The following RNFT2 variants were observed in gnomAD, a reference collection of about 807,000 sequenced individuals.
RNFT2 encodes ring finger protein, transmembrane 2.
RNFT2 carries 36 observed loss-of-function variants against 53.0 expected under a neutral mutation model. That is an observed-to-expected ratio of 0.68 (90% CI 0.52 to 0.90). The LOEUF (loss-of-function observed/expected upper bound fraction) is 0.90, where lower values mean the gene tolerates loss of function less well. Among genes scored for constraint, RNFT2 ranks in the 40% least tolerant of loss-of-function variants. The pLI is 0.00. For missense variants in RNFT2, 514 were observed against 585.6 expected, an observed-to-expected ratio of 0.88 and a Z score of 1.26; for synonymous variants, 260 against 253.2, an observed-to-expected ratio of 1.03 and a Z score of -0.26.
In RNFT2 at chr12:116,836,019, C is replaced by T. The variant is rs769447000; in HGVS notation, c.1092C>T (p.Thr364=). ...GGAAAGCCCTGAAGCTTCTCTGTAC[C>T]TCTCAGGTGAGTTGGCTTCAGGTGG... is the stretch of plus-strand genomic sequence containing the variant. The part of the protein sequence containing the change: ...GVRKALKLLC[T]SQNYGVRATG... The change falls in exon 9 of 11, where the codon ACC becomes ACT. Residue 364 remains threonine (T), a synonymous_variant. Coordinates refer to ENST00000257575, the MANE Select transcript of RNFT2 (RefSeq NM_001382266.1). 3 of 1,614,016 alleles carry T rather than the reference C, an allele frequency of 1.9e-6. No homozygotes were observed. The highest frequency in any genetic ancestry group is 1.7e-5 in the Admixed American group (1 of 60,034).
intron 7 of RNFT2, among the ~76,000 whole-genome samples, chr12:116,795,373 A>C (rs773765296): frequency 3.3e-5 from 5 of 151,248 alleles, no homozygotes; most frequent in Non-Finnish European, 7.4e-5. Flanking sequence ...ACACCACTGC[A>C]CTCCAGCCTG....
intron 3 of RNFT2, chr12:116,748,655 A>G (rs754857020): frequency 8.8e-6 from 4 of 452,248 alleles, no homozygotes; most frequent in African/African-American, 4.0e-5. Flanking sequence ...CGCCCACCCA[A>G]TGTCAGCTGT....
intron 4 of RNFT2, among the ~76,000 whole-genome samples, 175 bp from the exon 5 acceptor site, chr12:116,753,809 C>T (rs1872367593): frequency 6.6e-6 from 1 of 152,124 alleles, no homozygotes; most frequent in African/African-American, 2.4e-5. Context: ...CTCAGAATTC[C>T]CAGAGATTTA....
At chr12:116,836,387 A>G (rs1397263424) in intron 10 of RNFT2, 105 bp downstream of exon 10, 1 of 960,640 alleles carries the variant, frequency 1.0e-6, no homozygotes, top group Non-Finnish European at 1.6e-6. Context: ...CTGGGGGGCA[A>G]TCCGGTTAAG....
Position 116,849,491 on chromosome 12 carries a change from A to G in RNFT2, c.*43A>G. On this transcript the variant is annotated 3_prime_UTR_variant, in exon 11 of 11. Transcript: ENST00000257575. ...ACCCAGAAGGACGCCAAGGGTCAGC[A>G]TGCCCGGACCCAGCCCTGCGGGGGC... The G allele has an allele frequency of 1.9e-6, 3 of 1,550,448 alleles. No individual in the cohort carries two copies. The South Asian group carries it at 3.5e-5, about 18-fold the overall frequency.
chr12:116,763,320 G>A (rs969019455), intron 5 of RNFT2, among the ~76,000 whole-genome samples: 1 of 152,062 alleles, frequency 6.6e-6, no homozygotes, highest in African/African-American at 2.4e-5. Flanking sequence ...AAACCACAAT[G>A]CAGTACCACC....
chr12:116,785,119 G>T (rs1467536239), intron 7 of RNFT2, among the ~76,000 whole-genome samples: 2 of 151,862 alleles, frequency 1.3e-5, no homozygotes, highest in East Asian at 3.9e-4. Flanking sequence ...TCCTGTCTCG[G>T]CCTCTTGCAC....
chr12:116,811,739 C>T (rs1592973178), intron 7 of RNFT2, among the ~76,000 whole-genome samples: 2 of 152,324 alleles, frequency 1.3e-5, no homozygotes, highest in East Asian at 1.9e-4. Flanking sequence ...TCATGACCCT[C>T]GTGGAAATCC....
intron 10 of RNFT2, among the ~76,000 whole-genome samples, chr12:116,845,965 C>T (rs1204889750): frequency 6.6e-6 from 1 of 152,166 alleles, no homozygotes; most frequent in African/African-American, 2.4e-5. Flanking sequence ...AAATGTTCTT[C>T]AGGCTTCGAC....
At chr12:116,806,389 T>TAGATAGATAG (rs376557134) in intron 7 of RNFT2, among the ~76,000 whole-genome samples, 24 of 82,920 alleles carry the variant, frequency 2.9e-4, no homozygotes, top group South Asian at 4.0e-4. Flanking sequence ...AAAATATATA[T>TAGATAGATAG]ATATATATAT....
intron 10 of RNFT2, among the ~76,000 whole-genome samples, chr12:116,837,271 C>G (rs1456669723): frequency 6.6e-6 from 1 of 152,148 alleles, no homozygotes; most frequent in Non-Finnish European, 1.5e-5. Context: ...CAGATCCCGT[C>G]CCCTCCTCTG....
chr12:116,808,199 A>G (rs956419328), intron 7 of RNFT2, among the ~76,000 whole-genome samples: 4 of 152,118 alleles, frequency 2.6e-5, no homozygotes, highest in Admixed American at 2.6e-4. Context: ...TCCTGACCTC[A>G]GGTGATCCAC....
At chr12:116,779,101 A>G (rs989973895) in intron 6 of RNFT2, 94 bp from the exon 7 acceptor site, 2 of 1,334,840 alleles carry the variant, frequency 1.5e-6, no homozygotes, top group African/African-American at 1.5e-5. Flanking sequence ...CGCTCTTTCT[A>G]CAGGTGATAC....
chr12:116,749,799 A>C (rs748833053), intron 3 of RNFT2, 42 bp from the exon 4 acceptor site: 3 of 1,534,122 alleles, frequency 2.0e-6, no homozygotes, highest in African/African-American at 2.7e-5. Flanking sequence ...GGTCTTTTCC[A>C]TCTGCCTGAC....
intron 7 of RNFT2, among the ~76,000 whole-genome samples, chr12:116,812,723 G>A (rs1328843168): frequency 6.6e-6 from 1 of 152,014 alleles, no homozygotes; most frequent in Non-Finnish European, 1.5e-5. Context: ...TAGTAGAGAT[G>A]GGGTTTTACC....
At chr12:116,848,096 GT>G (rs1877709618) in intron 10 of RNFT2, among the ~76,000 whole-genome samples, 2 of 152,128 alleles carry the variant, frequency 1.3e-5, no homozygotes, top group Admixed American at 6.5e-5. Flanking sequence ...AACATGTGGT[GT>G]TTGGTTTTCT....
intron 7 of RNFT2, among the ~76,000 whole-genome samples, chr12:116,783,434 G>T (rs1173158360): frequency 2.6e-5 from 4 of 152,222 alleles, no homozygotes; most frequent in African/African-American, 4.8e-5. Flanking sequence ...GCCAGTGAAG[G>T]TCTGAGAGCT....
chr12:116,836,271 C>A lies in RNFT2; in HGVS notation c.1189C>A (p.Leu397Ile). ...CQAEFREPLI[L>I]LCQHVFCEEC... ...GGCCGAGTTCCGAGAGCCTCTGATT[C>A]TCCTGTGCCAGGTGAGCAGGGCTCA... Residue 397 changes from leucine (L) to isoleucine (I), a missense_variant, in exon 10 of 11, where the codon CTC (leucine) becomes ATC (isoleucine). By Grantham distance (5) the Leu-to-Ile change is conservative (BLOSUM62 2). Coordinates refer to ENST00000257575, the MANE Select transcript of RNFT2 (RefSeq NM_001382266.1). 1.3e-6 allele frequency: 2 copies of A among 1,574,066 alleles called. No homozygotes were observed. The highest frequency in any genetic ancestry group is 1.7e-6 in the Non-Finnish European group (2 of 1,159,734).
At chr12:116,811,460 C>T (rs1438502164) in intron 7 of RNFT2, among the ~76,000 whole-genome samples, 2 of 151,776 alleles carry the variant, frequency 1.3e-5, no homozygotes, top group Admixed American at 1.3e-4. Flanking sequence ...ACTGCAACCT[C>T]TGTTTCCCAG....
Sources: allele counts gnomAD v4.1 joint callset (sites outside exome capture counted in the v4.1 genomes callset), GRCh38; gene constraint gnomAD v4.1.1; transcripts MANE v1.5; gene names NCBI Gene and HGNC (gene_info 2026-07-23, HGNC 2026-07-21).